Variants in ST6GALNAC3 observed in about 807,000 individuals in gnomAD.
ST6GALNAC3 encodes ST6 N-acetylgalactosaminide alpha-2,6-sialyltransferase 3, also known as alpha-N-acetylgalactosaminide alpha-2,6-sialyltransferase 3.
A neutral mutation model predicts 32.7 loss-of-function variants in ST6GALNAC3; 25 were observed. That is an observed-to-expected ratio of 0.76 (90% CI 0.56 to 1.07). ST6GALNAC3 has a LOEUF of 1.07. ST6GALNAC3 is among the 50% of genes least tolerant of loss of function. The pLI is 0.00. For missense variants in ST6GALNAC3, 355 were observed against 382.4 expected (o/e 0.93, Z 0.60); for synonymous variants, 129 against 133.1 (o/e 0.97, Z 0.21).
At chr1:76,187,699 A>C (rs1375830700) in intron 1 of ST6GALNAC3, among the ~76,000 whole-genome samples, 1 of 151,796 alleles carries the variant, frequency 6.6e-6, no homozygotes, top group Admixed American at 6.6e-5. Flanking sequence ...CTGATCGAAG[A>C]CTCTCTTCTC....
At chr1:76,141,804 C>A (rs1650343790) in intron 1 of ST6GALNAC3, among the ~76,000 whole-genome samples, 1 of 152,102 alleles carries the variant, frequency 6.6e-6, no homozygotes, top group African/African-American at 2.4e-5. Context: ...TCATGACAAC[C>A]ATTATGTAAG....
intron 1 of ST6GALNAC3, among the ~76,000 whole-genome samples, chr1:76,173,940 G>A (rs539662206): frequency 6.6e-6 from 1 of 152,148 alleles, no homozygotes; most frequent in African/African-American, 2.4e-5. Context: ...ATTCCTCAAT[G>A]ATCTAGAACC....
chr1:76,383,863 A>G (rs1022610536), intron 2 of ST6GALNAC3, among the ~76,000 whole-genome samples: 4 of 152,208 alleles, frequency 2.6e-5, no homozygotes, highest in African/African-American at 9.6e-5. Context: ...AAGAATTAAT[A>G]ATGCAATTTT....
chr1:76,618,642 T>C (rs1297390146), intron 3 of ST6GALNAC3, among the ~76,000 whole-genome samples: 1 of 152,166 alleles, frequency 6.6e-6, no homozygotes, highest in African/African-American at 2.4e-5. Flanking sequence ...TAAGCTTAGC[T>C]GGCCGTGGCT....
chr1:76,542,260 G>A (rs1664037358), intron 3 of ST6GALNAC3, among the ~76,000 whole-genome samples: 1 of 152,140 alleles, frequency 6.6e-6, no homozygotes, highest in African/African-American at 2.4e-5. Context: ...TCTGGACCTA[G>A]AATGTGCAGC....
chr1:76,405,954 C>G (rs907788102), intron 2 of ST6GALNAC3, among the ~76,000 whole-genome samples: 1 of 152,022 alleles, frequency 6.6e-6, no homozygotes, highest in Non-Finnish European at 1.5e-5. Context: ...ACTTTCCCCC[C>G]ACCCTACAGT....
chr1:76,504,631 T>TA (rs1341585382), intron 3 of ST6GALNAC3, among the ~76,000 whole-genome samples: 1 of 152,186 alleles, frequency 6.6e-6, no homozygotes, highest in African/African-American at 2.4e-5. Context: ...ATGCTTGTGT[T>TA]AAATGGTAAG....
At chr1:76,113,983 C>T (rs1311347223) in intron 1 of ST6GALNAC3, among the ~76,000 whole-genome samples, 1 of 150,602 alleles carries the variant, frequency 6.6e-6, no homozygotes, top group East Asian at 1.9e-4. Context: ...TGCCACCACG[C>T]CCGGCTAATT....
chr1:76,582,132 A>G (rs1023773133), intron 3 of ST6GALNAC3, among the ~76,000 whole-genome samples: 3 of 152,208 alleles, frequency 2.0e-5, no homozygotes, highest in Non-Finnish European at 4.4e-5. Context: ...GTTGCACAGT[A>G]CTCAAAGAGA....
Position 76,288,499 on chromosome 1 carries a change from C to T in ST6GALNAC3, c.19-25306C>T, listed in dbSNP as rs150604462. 1.7e-3 allele frequency among the ~76,000 whole-genome samples: 252 copies of T among 152,230 alleles called. 1 individual carries two copies. The highest frequency in any genetic ancestry group is 5.4e-3 in the African/African-American group (226 of 41,524). On this transcript the variant is annotated intron_variant, in intron 1 of 4. Transcript: ENST00000328299. The stretch of plus-strand genomic sequence containing the variant: ...CTAAGCAGTCCTCACCACTAAGTAA[C>T]TTGTGGTATAAGAGAGGGAATGGCA...
intron 3 of ST6GALNAC3, among the ~76,000 whole-genome samples, chr1:76,602,012 A>G (rs1647258181): frequency 6.6e-6 from 1 of 152,192 alleles, no homozygotes; most frequent in African/African-American, 2.4e-5. Flanking sequence ...GAAGACTGGG[A>G]GGAAGACATT....
intron 3 of ST6GALNAC3, among the ~76,000 whole-genome samples, chr1:76,591,561 A>G (rs1202385697): frequency 6.6e-6 from 1 of 152,178 alleles, no homozygotes; most frequent in Non-Finnish European, 1.5e-5. Flanking sequence ...CACCTGCTTC[A>G]TGCCTTGCAT....
intron 2 of ST6GALNAC3, among the ~76,000 whole-genome samples, chr1:76,355,546 C>T (rs996254885): frequency 6.6e-6 from 1 of 152,130 alleles, no homozygotes; most frequent in Non-Finnish European, 1.5e-5. Flanking sequence ...TATGCTGGAA[C>T]AATTATAAAA....
chr1:76,362,135 A>G (rs1016362727), intron 2 of ST6GALNAC3, among the ~76,000 whole-genome samples: 5 of 152,118 alleles, frequency 3.3e-5, no homozygotes, highest in African/African-American at 1.2e-4. Flanking sequence ...TACAATAATA[A>G]TGGAAGACAA....
At position 76,235,864 on chromosome 1, in the gene ST6GALNAC3, GGT is replaced by G. The variant is rs555234831; in HGVS notation, c.19-77938_19-77937del. Among the ~76,000 whole-genome samples, 585 of 151,090 alleles carry G rather than the reference GGT, an allele frequency of 3.9e-3. 4 individuals are homozygous for G. The highest frequency in any genetic ancestry group is 7.2e-3 in the Admixed American group (109 of 15,112). The stretch of plus-strand genomic sequence containing the variant: ...CTGATCTCTGCCTTCATCTTCACAT[GGT>G]GTTCTCCCCTGTGTATGCCTGTGTC... On this transcript the variant is annotated intron_variant, in intron 1 of 4. Coordinates refer to ENST00000328299, the MANE Select transcript of ST6GALNAC3 (RefSeq NM_152996.4).
chr1:76,510,119 T>A (rs1661754093), intron 3 of ST6GALNAC3, among the ~76,000 whole-genome samples: 1 of 152,188 alleles, frequency 6.6e-6, no homozygotes, highest in Non-Finnish European at 1.5e-5. Flanking sequence ...TGCCCTGAAG[T>A]GTCATCTGCT....
At chr1:76,622,215 G>A (rs1251650405) in intron 3 of ST6GALNAC3, among the ~76,000 whole-genome samples, 6 of 151,978 alleles carry the variant, frequency 3.9e-5, no homozygotes, top group Admixed American at 2.0e-4. Flanking sequence ...CATAGATACT[G>A]TGGCTTCTGA....
chr1:76,321,428 T>C (rs1368746924), intron 2 of ST6GALNAC3, among the ~76,000 whole-genome samples: 1 of 152,166 alleles, frequency 6.6e-6, no homozygotes, highest in Non-Finnish European at 1.5e-5. Context: ...GGTTTGGGTG[T>C]ATAAGCCAAT....
chr1:76,194,377 T>G (rs946020286), intron 1 of ST6GALNAC3, among the ~76,000 whole-genome samples: 23 of 152,148 alleles, frequency 1.5e-4, no homozygotes, highest in Non-Finnish European at 3.2e-4. Flanking sequence ...TTAAGAAAAG[T>G]ATTAAGGATC....
Sources: allele counts gnomAD v4.1 joint callset (sites outside exome capture counted in the v4.1 genomes callset), GRCh38; gene constraint gnomAD v4.1.1; transcripts MANE v1.5; gene names NCBI Gene and HGNC (gene_info 2026-07-23, HGNC 2026-07-21).